The following PCDH15 variants were observed in gnomAD, a reference collection of about 807,000 sequenced individuals.
The protein encoded by PCDH15 is protocadherin related 15, also known as protocadherin-15.
In PCDH15, 129 loss-of-function variants were observed where a neutral mutation model predicts 178.5. The observed-to-expected ratio is 0.72, with a 90% CI of 0.63 to 0.84. The LOEUF (loss-of-function observed/expected upper bound fraction) is 0.84, where lower values mean the gene tolerates loss of function less well. Among genes scored for constraint, PCDH15 ranks in the 40% least tolerant of loss-of-function variants. The pLI is 0.00. For synonymous variants in PCDH15, 800 were observed against 732.0 expected, an observed-to-expected ratio of 1.09 and a Z score of -1.50; for missense variants, 2,230 against 2,099.9, an observed-to-expected ratio of 1.06 and a Z score of -1.21.
chr10:55,193,938 C>T (rs1840011906), intron 1 of PCDH15, among the ~76,000 whole-genome samples: 1 of 151,840 alleles, frequency 6.6e-6, no homozygotes, highest in Admixed American at 6.6e-5. Flanking sequence ...AATCCTGATG[C>T]TAAAACATAA....
chr10:54,691,652 T>A (rs71492628), intron 1 of PCDH15, among the ~76,000 whole-genome samples: 7,781 of 151,780 alleles, frequency 0.051, 234 homozygotes, highest in East Asian at 0.1. Flanking sequence ...TCGTCTACAT[T>A]TTTATATTTT....
intron 33 of PCDH15, among the ~76,000 whole-genome samples, chr10:53,819,073 G>A (rs1490051643): frequency 6.6e-6 from 1 of 151,978 alleles, no homozygotes; most frequent in Non-Finnish European, 1.5e-5. Flanking sequence ...ACACGGTTCT[G>A]CCAATATTTA....
intron 26 of PCDH15, among the ~76,000 whole-genome samples, chr10:53,887,436 T>G (rs2081176099): frequency 6.6e-6 from 1 of 152,226 alleles, no homozygotes; most frequent in African/African-American, 2.4e-5. Context: ...AACAGAAAGT[T>G]GAATAATCTT....
chr10:54,715,535 T>C (rs2095470281), intron 1 of PCDH15, among the ~76,000 whole-genome samples: 1 of 152,114 alleles, frequency 6.6e-6, no homozygotes, highest in Non-Finnish European at 1.5e-5. Context: ...AGGGAGAAGA[T>C]AGTGGGCAAG....
At chr10:54,916,122 C>T (rs983530449) in intron 2 of PCDH15, among the ~76,000 whole-genome samples, 1 of 151,478 alleles carries the variant, frequency 6.6e-6, no homozygotes. Flanking sequence ...CGGGCACCTG[C>T]AACCATGCCT....
At chr10:55,472,638 C>T (rs1045386303) in intron 2 of PCDH15, among the ~76,000 whole-genome samples, 18 of 152,070 alleles carry the variant, frequency 1.2e-4, no homozygotes, top group African/African-American at 3.6e-4. Flanking sequence ...GCGCGGTCTG[C>T]GCTAACTGCA....
At chr10:54,235,688 C>A (rs1055314220) in intron 9 of PCDH15, among the ~76,000 whole-genome samples, 2 of 152,070 alleles carry the variant, frequency 1.3e-5, no homozygotes, top group East Asian at 1.9e-4. Flanking sequence ...TGTTTTTTAG[C>A]CACAGACTCC....
In PCDH15 at chr10:54,004,736, C is replaced by T. The variant is rs553365974; in HGVS notation, c.2752-8971G>A. Reference sequence around the variant, plus strand: ...GTTAAAATGTCCATACTACTCAAAGCGTTCTACAGATTCAATGCAATCCCT... The same window carrying T: ...GTTAAAATGTCCATACTACTCAAAGTGTTCTACAGATTCAATGCAATCCCT... On this transcript the variant is annotated intron_variant, in intron 20 of 37. Transcript: ENST00000644397. Among the ~76,000 whole-genome samples the T allele has an allele frequency of 2.6e-5, 4 of 151,892 alleles. No individual in the cohort carries two copies. In the East Asian group the frequency reaches 7.7e-4, roughly 29 times the overall value.
intron 27 of PCDH15, among the ~76,000 whole-genome samples, chr10:53,858,848 T>C (rs552784012): frequency 6.6e-6 from 1 of 152,304 alleles, no homozygotes; most frequent in Non-Finnish European, 1.5e-5. Flanking sequence ...ACTTTGTCTT[T>C]TCTTATTGGT....
chr10:55,182,086 T>C (rs1293191395), intron 1 of PCDH15, among the ~76,000 whole-genome samples: 2 of 151,916 alleles, frequency 1.3e-5, no homozygotes, highest in Non-Finnish European at 2.9e-5. Flanking sequence ...TATTATATAA[T>C]AGAATCTGGG....
chr10:55,352,826 T>C (rs1844973197), intron 2 of PCDH15, among the ~76,000 whole-genome samples: 1 of 152,090 alleles, frequency 6.6e-6, no homozygotes, highest in South Asian at 2.1e-4. Flanking sequence ...AAAGCCAAAC[T>C]TGCACCAAAA....
chr10:54,107,873 T>C (rs1256008270), intron 15 of PCDH15, among the ~76,000 whole-genome samples: 1 of 152,128 alleles, frequency 6.6e-6, no homozygotes, highest in South Asian at 2.1e-4. Context: ...TCATTCAAGA[T>C]GTCTGGAATG....
intron 2 of PCDH15, among the ~76,000 whole-genome samples, chr10:54,645,883 C>T (rs1033549286): frequency 1.3e-5 from 2 of 152,036 alleles, no homozygotes; most frequent in Non-Finnish European, 2.9e-5. Flanking sequence ...ATTAGTTAAT[C>T]CTAACAGTAA....
chr10:55,480,054 A>G (rs931097896), intron 2 of PCDH15, among the ~76,000 whole-genome samples: 1 of 151,686 alleles, frequency 6.6e-6, no homozygotes, highest in Non-Finnish European at 1.5e-5. Flanking sequence ...TGGTAGTTTA[A>G]TGAGAAAAAC....
chr10:54,882,705 T>G (rs1445819987), intron 3 of PCDH15, among the ~76,000 whole-genome samples: 1 of 152,072 alleles, frequency 6.6e-6, no homozygotes, highest in Non-Finnish European at 1.5e-5. Context: ...GTGATTATAC[T>G]TAGTTTTCCA....
At chr10:54,877,924 TTCTCTC>T (rs759282598) in intron 3 of PCDH15, among the ~76,000 whole-genome samples, 1 of 43,300 alleles carries the variant, frequency 2.3e-5, no homozygotes, top group African/African-American at 9.0e-5. Context: ...CTTATTCTCT[TTCTCTC>T]TCTCTCTCTT....
chr10:54,463,523 A>C (rs1233727018), intron 3 of PCDH15, among the ~76,000 whole-genome samples: 1 of 152,130 alleles, frequency 6.6e-6, no homozygotes, highest in East Asian at 1.9e-4. Flanking sequence ...TGTATTAACA[A>C]CACTACGCCA....
rs145941180 is a variant in PCDH15 at position 55,355,385 on chromosome 10, A to G, written c.-155-188734T>C. Among the ~76,000 whole-genome samples, 327 of 152,072 alleles carry G rather than the reference A, an allele frequency of 2.2e-3. 3 individuals are homozygous for G. Among genetic ancestry groups the G allele is most frequent in the African/African-American group, 7.5e-3 (311 of 41,534 alleles). On this transcript the variant is annotated intron_variant, in intron 2 of 5. Coordinates refer to the PCDH15 transcript ENST00000613346. Reference sequence around the variant, plus strand: ...TATTCAAGTATTCTCATTTCTCCACATCCACATCAGCATTTGGTGTTGTAG... The same window carrying G: ...TATTCAAGTATTCTCATTTCTCCACGTCCACATCAGCATTTGGTGTTGTAG...
chr10:53,832,636 G>A (rs1032533865), intron 29 of PCDH15, among the ~76,000 whole-genome samples: 5 of 150,818 alleles, frequency 3.3e-5, no homozygotes, highest in African/African-American at 9.9e-5. Context: ...CATATATAAA[G>A]TGCTTATGTT....
Sources: allele counts gnomAD v4.1 joint callset (sites outside exome capture counted in the v4.1 genomes callset), GRCh38; gene constraint gnomAD v4.1.1; transcripts MANE v1.5; gene names NCBI Gene and HGNC (gene_info 2026-07-23, HGNC 2026-07-21).